Variants in NCOA7 observed in about 807,000 individuals in gnomAD.
NCOA7 encodes 140 kDa estrogen receptor-associated protein.
A neutral mutation model predicts 104.3 loss-of-function variants in NCOA7; 45 were observed. That is an observed-to-expected ratio of 0.43 (90% confidence interval 0.34 to 0.55). The LOEUF (loss-of-function observed/expected upper bound fraction) is 0.55. Ranked by LOEUF, NCOA7 falls within the 20% of genes least tolerant of loss-of-function variation. The pLI is 0.02. For missense variants in NCOA7, 1,041 were observed against 1,119.7 expected (o/e 0.93, Z 1.00); for synonymous variants, 398 against 402.3 (o/e 0.99, Z 0.13).
intron 3 of NCOA7, among the ~76,000 whole-genome samples, chr6:125,862,029 CTCTT>C (rs1466495949): frequency 1.3e-5 from 1 of 75,452 alleles, no homozygotes; most frequent in Non-Finnish European, 2.3e-5. Flanking sequence ...AAGAGTGAAA[CTCTT>C]TCTCAAAAAA....
chr6:125,810,999 A>G (rs1776948043), intron 1 of NCOA7, among the ~76,000 whole-genome samples: 1 of 152,204 alleles, frequency 6.6e-6, no homozygotes, highest in African/African-American at 2.4e-5. Flanking sequence ...TTTCTGGCTC[A>G]TCTTGCAGTA....
At chr6:125,843,305 A>T (rs1470423073) in intron 2 of NCOA7, among the ~76,000 whole-genome samples, 2 of 152,134 alleles carry the variant, frequency 1.3e-5, no homozygotes, top group South Asian at 4.1e-4. Context: ...AAAAAGCAAG[A>T]AAAGAACCTC....
At chr6:125,856,180 G>A (rs900285961) in intron 3 of NCOA7, among the ~76,000 whole-genome samples, 1 of 152,118 alleles carries the variant, frequency 6.6e-6, no homozygotes, top group Non-Finnish European at 1.5e-5. Flanking sequence ...GAGATTGCTA[G>A]GAAAGGGAGA....
intron 10 of NCOA7, among the ~76,000 whole-genome samples, chr6:125,896,077 T>A (rs1784996150): frequency 6.7e-6 from 1 of 149,292 alleles, no homozygotes; most frequent in Non-Finnish European, 1.5e-5. Context: ...TATATATATA[T>A]AATGCAGTTA....
rs571359302 is a variant in NCOA7, at chr6:125,912,346, G to A, written c.2097-2987G>A. Among the ~76,000 whole-genome samples the A allele has an allele frequency of 6.7e-5, 10 of 149,702 alleles. No individual in the cohort carries two copies. The South Asian group carries it at 1.9e-3, about 28-fold the overall frequency. On this transcript the variant is annotated intron_variant, in intron 10 of 15. Coordinates refer to ENST00000392477, the MANE Select transcript of NCOA7 (RefSeq NM_181782.5). ...TTGATAGGTGTTCCCTCGGAAGTTA[G>A]GAATTCCCTTTCTCTCCATATTGCT...
intron 10 of NCOA7, among the ~76,000 whole-genome samples, chr6:125,891,228 T>G (rs994488052): frequency 1.3e-5 from 2 of 152,202 alleles, no homozygotes; most frequent in Non-Finnish European, 2.9e-5. Flanking sequence ...AGATTTATTG[T>G]CCTTATGGAG....
chr6:125,894,341 G>A (rs541643914), intron 10 of NCOA7, among the ~76,000 whole-genome samples: 1 of 152,124 alleles, frequency 6.6e-6, no homozygotes, highest in East Asian at 1.9e-4. Flanking sequence ...ACTAGACTCG[G>A]GCCTCTGTAC....
chr6:125,888,890 G>T, intron 8 of NCOA7, 49 bp from the exon 9 acceptor site: 2 of 1,396,770 alleles, frequency 1.4e-6, no homozygotes, highest in African/African-American at 1.4e-5. Context: ...TTTTGTTTTT[G>T]GTTTTATTTT....
intron 1 of NCOA7, among the ~76,000 whole-genome samples, chr6:125,812,076 A>T (rs12191734): frequency 0.019 from 2,935 of 152,332 alleles, 48 homozygotes; most frequent in Non-Finnish European, 0.029. Context: ...TCTAAATCAT[A>T]GTGTGGTTGA....
intron 1 of NCOA7, among the ~76,000 whole-genome samples, chr6:125,792,270 AT>A (rs1286802467): frequency 6.6e-6 from 1 of 152,214 alleles, no homozygotes; most frequent in Non-Finnish European, 1.5e-5. Context: ...TTATTTTAAC[AT>A]TTATATTTCA....
intron 10 of NCOA7, among the ~76,000 whole-genome samples, chr6:125,893,652 G>C (rs1418408357): frequency 6.6e-6 from 1 of 152,138 alleles, no homozygotes; most frequent in Non-Finnish European, 1.5e-5. Context: ...ACCTTGCATA[G>C]TCTCCGTTAA....
intron 2 of NCOA7, among the ~76,000 whole-genome samples, chr6:125,846,849 T>G (rs1461764013): frequency 6.6e-6 from 1 of 152,204 alleles, no homozygotes; most frequent in Non-Finnish European, 1.5e-5. Flanking sequence ...AAAATAGAGA[T>G]AAAACTCCCT....
At chr6:125,867,193 G>T (rs1782507097) in intron 3 of NCOA7, among the ~76,000 whole-genome samples, 2 of 152,086 alleles carry the variant, frequency 1.3e-5, no homozygotes, top group Non-Finnish European at 2.9e-5. Flanking sequence ...ATGATATCTG[G>T]CCACCTTAGT....
intron 11 of NCOA7, among the ~76,000 whole-genome samples, 165 bp downstream of exon 11, chr6:125,915,645 A>G (rs1787004194): frequency 6.6e-6 from 1 of 152,088 alleles, no homozygotes; most frequent in Non-Finnish European, 1.5e-5. Context: ...AAACACCACC[A>G]CCAGCACCAC....
chr6:125,882,880 TCCACTA>T lies in NCOA7; in HGVS notation c.699+332_699+337del, dbSNP rs549301113. Among the ~76,000 whole-genome samples the T allele has an allele frequency of 6.8e-4, 103 of 152,292 alleles. 1 individual carries two copies. The Middle Eastern group carries it at 0.02, about 30-fold the overall frequency. ...AGACTCACTGAATTTAAATTCCAAC[TCCACTA>T]CCCACTAACTCTGAGACCAGGGGCA... is the stretch of plus-strand genomic sequence containing the variant. On this transcript the variant is annotated intron_variant, in intron 7 of 15. Transcript: ENST00000392477.
intron 11 of NCOA7, among the ~76,000 whole-genome samples, chr6:125,917,228 T>G (rs951103010): frequency 1.3e-5 from 2 of 152,164 alleles, no homozygotes; most frequent in African/African-American, 4.8e-5. Flanking sequence ...TCCCAGATGA[T>G]TTCCAAACAG....
chr6:125,921,112 A>G, intron 12 of NCOA7, 44 bp downstream of exon 12: 2 of 1,597,650 alleles, frequency 1.3e-6, no homozygotes, highest in Non-Finnish European at 1.7e-6. Context: ...CCTAGGCTTT[A>G]AGAAATATTT....
chr6:125,847,746 A>G (rs1780750832), intron 2 of NCOA7, among the ~76,000 whole-genome samples: 1 of 152,196 alleles, frequency 6.6e-6, no homozygotes, highest in Non-Finnish European at 1.5e-5. Context: ...AGGCATGGGC[A>G]AGGACTTCAT....
At chr6:125,845,116 T>C (rs1780487310) in intron 2 of NCOA7, among the ~76,000 whole-genome samples, 1 of 152,214 alleles carries the variant, frequency 6.6e-6, no homozygotes, top group African/African-American at 2.4e-5. Context: ...GCTCGTTCCA[T>C]TGTCAGAGGT....
Sources: allele counts gnomAD v4.1 joint callset (sites outside exome capture counted in the v4.1 genomes callset), GRCh38; gene constraint gnomAD v4.1.1; transcripts MANE v1.5; gene names NCBI Gene and HGNC (gene_info 2026-07-23, HGNC 2026-07-21).